The following NLRX1 variants were observed in gnomAD, a reference collection of about 807,000 sequenced individuals.
The protein encoded by NLRX1 is NLR family member X1, also known as NOD-like receptor X1.
Under a neutral mutation model 74.2 loss-of-function variants are expected in NLRX1, and 67 were observed. The observed-to-expected ratio is 0.90, with a 90% CI of 0.74 to 1.11. NLRX1 has a LOEUF of 1.11. Ranked by LOEUF, NLRX1 falls within the 50% of genes least tolerant of loss-of-function variation. The pLI, the probability that NLRX1 is intolerant of heterozygous loss-of-function variation, is 0.00. For synonymous variants in NLRX1, 506 were observed against 559.1 expected, an observed-to-expected ratio of 0.91 and a Z score of 1.34; for missense variants, 1,191 against 1,305.4, an observed-to-expected ratio of 0.91 and a Z score of 1.35.
chr11:119,172,931 A>G lies in NLRX1; in HGVS notation c.171A>G (p.Val57=). The change falls in exon 4 of 10, where the codon GTA becomes GTG. Residue 57 remains valine, a synonymous_variant. Transcript: ENST00000409109. ...TTATACGCCACCACGGAAGCTCGGT[A>G]GATAGCGCTCCCCCACCCGGGAGGC... The part of the protein sequence containing the change: ...RAFIRHHGSS[V]DSAPPPGRHG... 6.2e-7 allele frequency: 1 copy of G among 1,613,974 alleles called. No individual in the cohort carries two copies. Among genetic ancestry groups the G allele is most frequent in the Non-Finnish European group, 8.5e-7 (1 of 1,179,948 alleles).
intron 1 of NLRX1, among the ~76,000 whole-genome samples, chr11:119,169,713 C>A (rs1283601866): frequency 2.0e-5 from 3 of 152,232 alleles, no homozygotes; most frequent in South Asian, 4.1e-4. Context: ...GGTTGGGGCC[C>A]GAGTGGTGGC....
rs1311047484 is a variant in NLRX1 at position 119,170,161 on chromosome 11, G to GAAAAAT, written c.-49+861_-49+866dup. ...TAAGGCACAGGCTGGGACAAACTCA[G>GAAAAAT]AAAAATAGCTTGTGGGAGCCCAGTG... On this transcript the variant is annotated intron_variant, in intron 1 of 9. Coordinates refer to ENST00000409109, the MANE Select transcript of NLRX1 (RefSeq NM_001282144.2). Among the ~76,000 whole-genome samples, 10 of 152,218 alleles carry GAAAAAT rather than the reference G, an allele frequency of 6.6e-5. No individual in the cohort carries two copies. In the South Asian group the frequency reaches 2.1e-3, roughly 32 times the overall value.
At chr11:119,179,026 A>G (rs998711133) in intron 6 of NLRX1, among the ~76,000 whole-genome samples, 1 of 152,062 alleles carries the variant, frequency 6.6e-6, no homozygotes, top group African/African-American at 2.4e-5. Flanking sequence ...CACTGTTAAG[A>G]TGAAAAAAGC....
rs148630482 is a variant in NLRX1, at chr11:119,173,942, T to A, written c.693T>A (p.Ala231=). The A allele has an allele frequency of 5.6e-6, 9 of 1,613,902 alleles. No individual in the cohort carries two copies. Among genetic ancestry groups the A allele is most frequent in the Non-Finnish European group, 7.6e-6 (9 of 1,180,046 alleles). ...TGAAGGAGGTTCTGCCCCTGATGGC[T>A]GCTGCTGGGTCCCACCTCCTCTTTG... The part of the protein sequence containing the change: ...TPLKEVLPLM[A]AAGSHLLFVL... The change falls in exon 5 of 10, where the codon GCT becomes GCA. Residue 231 remains alanine (A), a synonymous_variant. Transcript: ENST00000409109. This position sits in a 1 kb window ranked among gnomAD's most constrained non-coding sequence, Gnocchi z 4.0.
chr11:119,181,390 C>A (rs752575306), intron 8 of NLRX1, 133 bp downstream of exon 8: 1 of 667,508 alleles, frequency 1.5e-6, no homozygotes, highest in Non-Finnish European at 2.7e-6. Flanking sequence ...TGACCTGTCC[C>A]CTCCACTTCC....
At chr11:119,172,512 C>A in intron 3 of NLRX1, 87 bp downstream of exon 3, 1 of 966,102 alleles carries the variant, frequency 1.0e-6, no homozygotes, top group Non-Finnish European at 1.7e-6. Flanking sequence ...AGCTTGATCT[C>A]TTGGGGACCT....
At chr11:119,179,571 A>T in intron 6 of NLRX1, 122 bp from the exon 7 acceptor site, 1 of 797,914 alleles carries the variant, frequency 1.3e-6, no homozygotes, top group Non-Finnish European at 2.0e-6. Flanking sequence ...CAGACAAATT[A>T]TGCTAAGTTC....
intron 5 of NLRX1, 145 bp downstream of exon 5, chr11:119,174,243 T>C: frequency 1.7e-6 from 2 of 1,186,792 alleles, no homozygotes; most frequent in Non-Finnish European, 2.3e-6. Flanking sequence ...TGTTCCTTTC[T>C]TTTTGAGTTG....
In NLRX1 at chr11:119,173,001, G is replaced by T. The variant is rs778085883; in HGVS notation, c.229+12G>T. ...CGCCTCTGCAACTGGTAAAGGGACTGGCTGGGACCCTGGTCAGGGGGTGTG... is the reference window on the plus strand; with the variant it reads ...CGCCTCTGCAACTGGTAAAGGGACTTGCTGGGACCCTGGTCAGGGGGTGTG... On this transcript the variant is annotated intron_variant, in intron 4 of 9. Coordinates refer to ENST00000409109, the MANE Select transcript of NLRX1 (RefSeq NM_001282144.2). This position sits in a 1 kb window ranked among gnomAD's most constrained non-coding sequence, Gnocchi z 4.0. 24 of 1,606,632 alleles carry T rather than the reference G, an allele frequency of 1.5e-5. No homozygotes were observed. Among genetic ancestry groups the T allele is most frequent in the Middle Eastern group, 1.7e-4 (1 of 5,990 alleles).
rs141071219 is a variant in NLRX1, at chr11:119,175,178, C to T, written c.1575C>T (p.Leu525=). ...AGGTGGGCAAGGAAGTGGCTGAGCT[C>T]GTGGGCCGTGTTGGGGAGGACGTCA... is the stretch of plus-strand genomic sequence containing the variant. ...LQKVGKEVAE[L]VGRVGEDVSL... Residue 525 remains leucine, a synonymous_variant, in exon 6 of 10, where the codon CTC becomes CTT. Transcript: ENST00000409109. The T allele has an allele frequency of 2.5e-5, 40 of 1,614,054 alleles. No homozygotes were observed. The highest frequency in any genetic ancestry group is 3.3e-4 in the Middle Eastern group (2 of 6,084).
intron 1 of NLRX1, among the ~76,000 whole-genome samples, chr11:119,170,215 T>C (rs539668948): frequency 1.3e-5 from 2 of 152,012 alleles, no homozygotes; most frequent in South Asian, 4.2e-4. Flanking sequence ...CCTTGGACTT[T>C]TCGGGAGGTG....
rs375974726 is a variant in NLRX1, at chr11:119,174,459, A to G, written c.856A>G (p.Ile286Val). 1 of 1,613,346 alleles carries G rather than the reference A, an allele frequency of 6.2e-7. No individual in the cohort carries two copies. The highest frequency in any genetic ancestry group is 1.3e-5 in the African/African-American group (1 of 75,054). ...TCAACCATGCTCTTCCCAGGCCAGC[A>G]TTCTGGTGACCACTCGGCCCTCTGC... ...LRKYMLPQAS[I>V]LVTTRPSAIG... Residue 286 changes from isoleucine to valine, a missense_variant, in exon 6 of 10, where the codon ATT becomes GTT. Coordinates refer to ENST00000409109, the MANE Select transcript of NLRX1 (RefSeq NM_001282144.2).
At chr11:119,171,038 G>A (rs142126270) in intron 1 of NLRX1, among the ~76,000 whole-genome samples, 4,194 of 152,322 alleles carry the variant, frequency 0.028, 195 homozygotes, top group African/African-American at 0.094. Flanking sequence ...AGCTACTTGG[G>A]AGGCTGAGGC....
At position 119,183,200 on chromosome 11, in the gene NLRX1, G is replaced by A. The variant is rs555265611; in HGVS notation, c.2689G>A (p.Val897Met). 288 of 1,614,230 alleles carry A rather than the reference G, an allele frequency of 1.8e-4. 2 individuals carry two copies. The South Asian group carries it at 3.0e-3, about 17-fold the overall frequency. The stretch of plus-strand genomic sequence containing the variant: ...TGCTGCTGAAGGTGGTGCCCGGGTG[G>A]TGGTGTCACTGACAGAGGGGACGGC... ...GGAAEGGARVVVSLTEGTAVS... is the reference protein window; with the variant it reads ...GGAAEGGARVMVSLTEGTAVS... Residue 897 changes from valine (V) to methionine (M), a missense_variant, in exon 10 of 10, where the codon GTG becomes ATG. Val to Met is a conservative substitution (Grantham distance 21). Transcript: ENST00000409109. This position sits in a 1 kb window ranked among gnomAD's most constrained non-coding sequence, Gnocchi z 5.7.
At position 119,183,007 on chromosome 11, in the gene NLRX1, C is replaced by T. The variant is rs959259443; in HGVS notation, c.2607-111C>T. 11 of 969,160 alleles carry T rather than the reference C, an allele frequency of 1.1e-5. No homozygotes were observed. The highest frequency in any genetic ancestry group is 1.7e-5 in the Non-Finnish European group (11 of 652,804). 60.0% of individuals were successfully genotyped at this position (969,160 alleles called of 1,614,324 possible). A position where few individuals can be genotyped will look rare whatever the true frequency, so the allele number is the denominator to read the frequency against. On this transcript the variant is annotated intron_variant, in intron 9 of 9. Coordinates refer to ENST00000409109, the MANE Select transcript of NLRX1 (RefSeq NM_001282144.2). The surrounding 1 kb of genome is among the most constrained non-coding windows in gnomAD (Gnocchi z 5.7). ...GGCTCATTGCAGTTACCTGATCGCA[C>T]TCTGCAGCCAGGAGATGAGTTGTGA...
intron 7 of NLRX1, 44 bp downstream of exon 7, chr11:119,180,332 T>C: frequency 2.7e-6 from 4 of 1,456,626 alleles, no homozygotes; most frequent in South Asian, 1.3e-5. Context: ...GGGAAGAGGG[T>C]TGGAGGTGAA....
Position 119,183,475 on chromosome 11 carries a change from G to A in NLRX1, c.*36G>A. ...GCAGGCACCTAGCTATGTGACCACTGGCCCTAAACCTTTTCCCTCTGTGGC... is the reference window on the plus strand; with the variant it reads ...GCAGGCACCTAGCTATGTGACCACTAGCCCTAAACCTTTTCCCTCTGTGGC... On this transcript the variant is annotated 3_prime_UTR_variant, in exon 10 of 10. Transcript: ENST00000409109. The surrounding 1 kb of genome is among the most constrained non-coding windows in gnomAD (Gnocchi z 5.7). The A allele has an allele frequency of 6.3e-7, 1 of 1,578,706 alleles. No homozygotes were observed. Among genetic ancestry groups the A allele is most frequent in the East Asian group, 2.3e-5 (1 of 44,078 alleles).
At position 119,173,525 on chromosome 11, in the gene NLRX1, G is replaced by C. The variant is rs765436586; in HGVS notation, c.276G>C (p.Arg92=). 4 of 1,613,952 alleles carry C rather than the reference G, an allele frequency of 2.5e-6. No homozygotes were observed. The Admixed American group carries it at 6.7e-5, about 27-fold the overall frequency. Residue 92 remains arginine (R), a synonymous_variant, in exon 5 of 10, where the codon CGG becomes CGC. Coordinates refer to ENST00000409109, the MANE Select transcript of NLRX1 (RefSeq NM_001282144.2). The surrounding 1 kb of genome is among the most constrained non-coding windows in gnomAD (Gnocchi z 4.0). ...GGAACCTGGCTGAGTGGTTCAGCCG[G>C]CTGCCCAGGGAGGAGCGCCAGTTTG... ...HRRNLAEWFS[R]LPREERQFGP...
chr11:119,183,830 C>G lies in NLRX1; in HGVS notation c.*391C>G, dbSNP rs373347298. On this transcript the variant is annotated 3_prime_UTR_variant, in exon 10 of 10. Coordinates refer to ENST00000409109, the MANE Select transcript of NLRX1 (RefSeq NM_001282144.2). This position sits in a 1 kb window ranked among gnomAD's most constrained non-coding sequence, Gnocchi z 5.7. ...ATGTCTGCCATGCCAGGGGTGTCGCCATCCAGATGTGTTGGAAGCTTCCCC... is the reference window on the plus strand; with the variant it reads ...ATGTCTGCCATGCCAGGGGTGTCGCGATCCAGATGTGTTGGAAGCTTCCCC... The G allele has an allele frequency of 1.5e-4, 115 of 780,770 alleles. No homozygotes were observed. The highest frequency in any genetic ancestry group is 6.7e-5 in the Non-Finnish European group (28 of 417,998). 48.4% of individuals were successfully genotyped at this position (780,770 alleles called of 1,614,324 possible).
Sources: gnomAD v4.1 joint callset for allele counts (sites outside exome capture counted in the v4.1 genomes callset) on GRCh38, gnomAD v4.1.1 for gene constraint, Gnocchi (gnomAD v3.1) non-coding constraint, MANE v1.5 for transcripts, NCBI Gene and HGNC (gene_info 2026-07-23, HGNC 2026-07-21) for gene names.